PDZD8: variants seen among roughly 807,000 people sequenced by gnomAD.
The protein encoded by PDZD8 is PDZ domain-containing protein 8.
PDZD8 carries 14 observed loss-of-function variants against 85.8 expected under a neutral mutation model. The ratio of observed to expected loss-of-function variants is 0.16; its 90% CI spans 0.11 to 0.26. The LOEUF (loss-of-function observed/expected upper bound fraction) is 0.26. Ranked by LOEUF, PDZD8 falls within the 10% of genes least tolerant of loss-of-function variation. The pLI is 1.00. For missense variants in PDZD8, 1,197 were observed against 1,424.3 expected (o/e 0.84, Z 2.57); for synonymous variants, 592 against 568.6 (o/e 1.04, Z -0.59).
intron 1 of PDZD8, among the ~76,000 whole-genome samples, chr10:117,361,099 A>G (rs1342258583): frequency 6.6e-6 from 1 of 152,222 alleles, no homozygotes; most frequent in Non-Finnish European, 1.5e-5. Flanking sequence ...TTTGCGAGAG[A>G]ACAAGGGTGA....
At position 117,298,909 on chromosome 10, in the gene PDZD8, G is replaced by A. The variant is rs1843799910; in HGVS notation, c.1099-8561C>T. 6.6e-5 allele frequency among the ~76,000 whole-genome samples: 10 copies of A among 151,884 alleles called. No homozygotes were observed. In the South Asian group the frequency reaches 1.9e-3, roughly 28 times the overall value. ...CCCTCCATATCCACAAGGGTTCCAG[G>A]ACCCCACTCGAGGATACCAAAATCG... On this transcript the variant is annotated intron_variant, in intron 3 of 4. Transcript: ENST00000334464.
chr10:117,339,560 G>C (rs1436806462), intron 2 of PDZD8, among the ~76,000 whole-genome samples: 1 of 152,132 alleles, frequency 6.6e-6, no homozygotes, highest in Non-Finnish European at 1.5e-5. Flanking sequence ...GCTATCAAGG[G>C]TTTCTATGTT....
Position 117,284,680 on chromosome 10 carries a change from G to T in PDZD8, c.2053C>A (p.Leu685Ile), listed in dbSNP as rs778764931. ...DRQTWESSEILYRNKLGKWTR... is the reference protein window; with the variant it reads ...DRQTWESSEIIYRNKLGKWTR... Reference sequence around the variant, plus strand: ...CATTTTCCTAGCTTATTACGATAAAGAATTTCTGATGATTCCCATGTTTGA... The same window carrying T: ...CATTTTCCTAGCTTATTACGATAAATAATTTCTGATGATTCCCATGTTTGA... Residue 685 changes from leucine (L) to isoleucine (I), a missense_variant, in exon 5 of 5, where the codon CTT becomes ATT. Coordinates refer to ENST00000334464, the MANE Select transcript of PDZD8 (RefSeq NM_173791.5). 1.2e-6 allele frequency: 2 copies of T among 1,614,196 alleles called. No homozygotes were observed. Among genetic ancestry groups the T allele is most frequent in the South Asian group, 2.2e-5 (2 of 91,082 alleles).
At chr10:117,297,179 A>G (rs558175029) in intron 3 of PDZD8, among the ~76,000 whole-genome samples, 1 of 152,288 alleles carries the variant, frequency 6.6e-6, no homozygotes, top group Non-Finnish European at 1.5e-5. Flanking sequence ...AAAGATGTTC[A>G]ATTAGCCATT....
rs561230769 is a variant in PDZD8 at position 117,370,216 on chromosome 10, A to AT, written c.872+4139dup. Among the ~76,000 whole-genome samples, 253 of 152,336 alleles carry AT rather than the reference A, an allele frequency of 1.7e-3. 4 individuals carry two copies. Among genetic ancestry groups the AT allele is most frequent in the African/African-American group, 5.7e-3 (235 of 41,580 alleles). On this transcript the variant is annotated intron_variant, in intron 1 of 4. Transcript: ENST00000334464. ...AAATCTGTAAACATATTGTCTACATATTATAATTCATTTTGTAAAATAAAA... is the reference window on the plus strand; with the variant it reads ...AAATCTGTAAACATATTGTCTACATATTTATAATTCATTTTGTAAAATAAAA...
chr10:117,289,473 A>C (rs1038977417), intron 4 of PDZD8, among the ~76,000 whole-genome samples: 1 of 152,252 alleles, frequency 6.6e-6, no homozygotes, highest in Admixed American at 6.5e-5. Flanking sequence ...TAGATGGGAC[A>C]GGTACTACAA....
rs1843947265 is a variant in PDZD8, at chr10:117,306,579, A to G, written c.1098+12293T>C. Among the ~76,000 whole-genome samples the G allele has an allele frequency of 2.0e-5, 3 of 152,150 alleles. No individual in the cohort carries two copies. In the South Asian group the frequency reaches 6.2e-4, roughly 32 times the overall value. On this transcript the variant is annotated intron_variant, in intron 3 of 4. Coordinates refer to ENST00000334464, the MANE Select transcript of PDZD8 (RefSeq NM_173791.5). ...AATCACCAGGTCAGGCCTCAACTTC[A>G]TATAGTATCACTCTACTTCTGCAGA... is the stretch of plus-strand genomic sequence containing the variant.
At chr10:117,360,578 T>C (rs1344967616) in intron 1 of PDZD8, among the ~76,000 whole-genome samples, 1 of 152,072 alleles carries the variant, frequency 6.6e-6, no homozygotes, top group Non-Finnish European at 1.5e-5. Flanking sequence ...AGGTACAGTA[T>C]AATAAACATT....
chr10:117,292,428 T>A (rs966824181), intron 3 of PDZD8, among the ~76,000 whole-genome samples: 6 of 152,168 alleles, frequency 3.9e-5, no homozygotes, highest in African/African-American at 1.4e-4. Context: ...AACATAAATA[T>A]ATTCTTAATA....
chr10:117,349,440 T>C (rs573568312), intron 1 of PDZD8, among the ~76,000 whole-genome samples: 1 of 152,304 alleles, frequency 6.6e-6, no homozygotes, highest in African/African-American at 2.4e-5. Context: ...AGTACTTACA[T>C]AGACATAATA....
Position 117,283,484 on chromosome 10 carries a change from C to T in PDZD8, c.3249G>A (p.Arg1083=), listed in dbSNP as rs150799112. The change falls in exon 5 of 5, where the codon AGG becomes AGA. Residue 1083 remains arginine, a synonymous_variant. Transcript: ENST00000334464. ...LSAALAKSGE[R]LQALTLLMIH... ...TCATAAGAAGTGTTAGAGCTTGTAGCCTTTCACCTGATTTAGCTAAGGCAG... is the reference window on the plus strand; with the variant it reads ...TCATAAGAAGTGTTAGAGCTTGTAGTCTTTCACCTGATTTAGCTAAGGCAG... 204 of 1,614,152 alleles carry T rather than the reference C, an allele frequency of 1.3e-4. 1 individual carries two copies. In the African/African-American group the frequency reaches 2.3e-3, roughly 18 times the overall value.
At chr10:117,363,909 G>A (rs1156494125) in intron 1 of PDZD8, among the ~76,000 whole-genome samples, 3 of 152,186 alleles carry the variant, frequency 2.0e-5, no homozygotes, top group African/African-American at 7.2e-5. Context: ...ATGAAAATTG[G>A]CAATTATATA....
chr10:117,338,873 C>A (rs757530312), intron 2 of PDZD8, among the ~76,000 whole-genome samples: 1 of 152,070 alleles, frequency 6.6e-6, no homozygotes, highest in Admixed American at 6.6e-5. Context: ...GACACCAAAG[C>A]TAGTGGTTAA....
At chr10:117,349,193 C>T (rs989425812) in intron 1 of PDZD8, among the ~76,000 whole-genome samples, 4 of 152,008 alleles carry the variant, frequency 2.6e-5, no homozygotes, top group African/African-American at 9.7e-5. Flanking sequence ...GTGTGGCAAG[C>T]CAAGAGAAAA....
At chr10:117,335,771 G>A (rs1205663011) in intron 2 of PDZD8, among the ~76,000 whole-genome samples, 1 of 152,196 alleles carries the variant, frequency 6.6e-6, no homozygotes, top group Admixed American at 6.5e-5. Context: ...GGCAGGGTAA[G>A]GGAGAATTAC....
intron 1 of PDZD8, among the ~76,000 whole-genome samples, chr10:117,370,932 G>A (rs1035352540): frequency 2.0e-5 from 3 of 151,712 alleles, no homozygotes; most frequent in Non-Finnish European, 4.4e-5. Context: ...GTGTGTGTGT[G>A]TGTGTGTGTG....
chr10:117,367,360 A>C (rs917554447), intron 1 of PDZD8, among the ~76,000 whole-genome samples: 8 of 151,652 alleles, frequency 5.3e-5, no homozygotes, highest in African/African-American at 1.7e-4. Context: ...GCAGTGAGCC[A>C]ATATAGCGCC....
At chr10:117,348,496 A>C (rs1453012976) in intron 1 of PDZD8, among the ~76,000 whole-genome samples, 1 of 152,154 alleles carries the variant, frequency 6.6e-6, no homozygotes, top group Non-Finnish European at 1.5e-5. Flanking sequence ...CAGAACTCTG[A>C]GTGGCTCTGG....
intron 1 of PDZD8, among the ~76,000 whole-genome samples, chr10:117,352,096 C>T (rs1844815057): frequency 1.1e-5 from 1 of 94,920 alleles, no homozygotes; most frequent in Non-Finnish European, 2.4e-5. Context: ...CCTTTTGTAA[C>T]ATCTAAAATA....
Sources: gnomAD v4.1 joint callset for allele counts (sites outside exome capture counted in the v4.1 genomes callset) on GRCh38, gnomAD v4.1.1 for gene constraint, MANE v1.5 for transcripts, NCBI Gene and HGNC (gene_info 2026-07-23, HGNC 2026-07-21) for gene names.